The following FGF14 variants were observed in gnomAD, a reference collection of about 807,000 sequenced individuals.
The protein encoded by FGF14 is fibroblast growth factor 14, also known as fibroblast growth factor homologous factor 4.
Under a neutral mutation model 25.5 loss-of-function variants are expected in FGF14, and 5 were observed. The observed-to-expected ratio is 0.20, with a 90% CI of 0.10 to 0.41. The LOEUF is 0.41. Among genes scored for constraint, FGF14 ranks in the 10% least tolerant of loss-of-function variants. FGF14 has a pLI of 1.00. For synonymous variants in FGF14, 138 were observed against 118.3 expected (o/e 1.17, Z -1.08); for missense variants, 222 against 320.1 (o/e 0.69, Z 2.34).
At chr13:102,395,724 T>C (rs913498109) in intron 1 of FGF14, 1 of 152,022 alleles carries the variant, frequency 6.6e-6, no homozygotes, top group Non-Finnish European at 1.5e-5. Flanking sequence ...GTGAACAGAG[T>C]TTTTGTCAAG....
At chr13:101,982,290 C>T (rs2139618313) in intron 1 of FGF14, among the ~76,000 whole-genome samples, 2 of 152,200 alleles carry the variant, frequency 1.3e-5, no homozygotes, top group Admixed American at 1.3e-4. Flanking sequence ...TTTTATGCAG[C>T]AGGTTTAGAT....
chr13:101,799,449 G>C (rs905503318), intron 3 of FGF14, among the ~76,000 whole-genome samples: 1 of 152,062 alleles, frequency 6.6e-6, no homozygotes, highest in Non-Finnish European at 1.5e-5. Context: ...GCCCTGCTGA[G>C]GTGATTTGCC....
chr13:101,718,462 T>C lies in FGF14; in HGVS notation c.*4369A>G, dbSNP rs1234395055. 2 of 152,148 alleles carry C rather than the reference T, an allele frequency of 1.3e-5. No homozygotes were observed. Among genetic ancestry groups the C allele is most frequent in the Non-Finnish European group, 1.5e-5 (1 of 68,022 alleles). 9.4% of individuals were successfully genotyped at this position (152,148 alleles called of 1,614,324 possible). On this transcript the variant is annotated 3_prime_UTR_variant, in exon 5 of 5. Coordinates refer to ENST00000376143, the MANE Select transcript of FGF14 (RefSeq NM_004115.4). ...GTGAGAGAAAATAAGCAAATCTCAT[T>C]GGCTCATTCCTGTTTTTAGGAAGTT... is the stretch of plus-strand genomic sequence containing the variant.
At chr13:102,110,360 T>C (rs1436794647) in intron 1 of FGF14, among the ~76,000 whole-genome samples, 2 of 152,102 alleles carry the variant, frequency 1.3e-5, no homozygotes, top group Non-Finnish European at 2.9e-5. Flanking sequence ...ATAAATCCCA[T>C]CACCAAAAAA....
At chr13:101,989,158 G>T (rs935667364) in intron 1 of FGF14, among the ~76,000 whole-genome samples, 1 of 151,972 alleles carries the variant, frequency 6.6e-6, no homozygotes. Context: ...AGCTGTACAG[G>T]CCTGAGAGAA....
chr13:102,301,215 G>C (rs1161203289), intron 1 of FGF14, among the ~76,000 whole-genome samples: 4 of 152,100 alleles, frequency 2.6e-5, no homozygotes, highest in Admixed American at 6.6e-5. Flanking sequence ...ATTGTTAAAA[G>C]TTTAATTTAT....
rs1028037127 is a variant in FGF14 at position 101,963,280 on chromosome 13, A to G, written c.209-87984T>C. Among the ~76,000 whole-genome samples the G allele has an allele frequency of 3.3e-5, 5 of 152,076 alleles. No individual in the cohort carries two copies. The East Asian group carries it at 9.6e-4, about 29-fold the overall frequency. ...CTAGAAATGTTAATTCCCCCATTTT[A>G]TTTATCTAGGGAGTGCCCCACCCTT... On this transcript the variant is annotated intron_variant, in intron 1 of 4. Transcript: ENST00000376131.
chr13:101,821,116 T>C (rs1405510876), intron 3 of FGF14, among the ~76,000 whole-genome samples: 2 of 151,368 alleles, frequency 1.3e-5, no homozygotes, highest in Non-Finnish European at 2.9e-5. Context: ...GCCGGGCTAA[T>C]TTTTTGTATT....
rs945188487 is a variant in FGF14, at chr13:101,712,214, C to A, written c.*10617G>T. On this transcript the variant is annotated 3_prime_UTR_variant, in exon 5 of 5. Coordinates refer to ENST00000376143, the MANE Select transcript of FGF14 (RefSeq NM_004115.4). ...CTAAGATGCACTGAGCATTGACAAA[C>A]AGGAAAGAATAACACAGCTGGGAAA... is the stretch of plus-strand genomic sequence containing the variant. 6.6e-6 allele frequency: 1 copy of A among 152,180 alleles called. No homozygotes were observed. The allele number at this position is 152,180 out of a possible 1,614,324, so 9.4% of individuals were successfully genotyped here. A position where few individuals can be genotyped will look rare whatever the true frequency, so the allele number is the denominator to read the frequency against.
rs202160091 is a variant in FGF14, at chr13:101,940,998, G to GA, written c.209-65703dup. Among the ~76,000 whole-genome samples, 947 of 150,522 alleles carry GA rather than the reference G, an allele frequency of 6.3e-3. 8 individuals carry two copies. The highest frequency in any genetic ancestry group is 0.021 in the African/African-American group (866 of 41,118). On this transcript the variant is annotated intron_variant, in intron 1 of 4. Coordinates refer to the FGF14 transcript ENST00000376131. The stretch of plus-strand genomic sequence containing the variant: ...CTTTTGGGGACATCTCTAAGACTTA[G>GA]AAAAAAAAACAAGTCTTGATCCTGC...
chr13:102,401,376 C>T, intron 1 of FGF14: 1 of 1,186,208 alleles, frequency 8.4e-7, no homozygotes, highest in Non-Finnish European at 1.2e-6. Context: ...TATGTTTCCC[C>T]TGCCTTCCTG....
At chr13:101,979,033 T>C (rs1048662841) in intron 1 of FGF14, among the ~76,000 whole-genome samples, 23 of 152,168 alleles carry the variant, frequency 1.5e-4, no homozygotes, top group African/African-American at 5.6e-4. Flanking sequence ...CCTTAAACCC[T>C]TTCCCTAAGC....
chr13:101,963,041 T>C (rs941303548), intron 1 of FGF14, among the ~76,000 whole-genome samples: 1 of 152,258 alleles, frequency 6.6e-6, no homozygotes, highest in Non-Finnish European at 1.5e-5. Context: ...TTTAAAATCA[T>C]TGAAAGTCTC....
chr13:102,238,773 A>T lies in FGF14; in HGVS notation c.208+162698T>A, dbSNP rs530121211. On this transcript the variant is annotated intron_variant, in intron 1 of 4. Transcript: ENST00000376131. Reference sequence around the variant, plus strand: ...GTTAGAGATTTATTAATGCTATTTAAACTATTAAAATAACCTCACAGTGCT... The same window carrying T: ...GTTAGAGATTTATTAATGCTATTTATACTATTAAAATAACCTCACAGTGCT... 4.8e-4 allele frequency among the ~76,000 whole-genome samples: 73 copies of T among 152,336 alleles called. 3 individuals are homozygous for T. The South Asian group carries it at 0.015, about 31-fold the overall frequency.
chr13:102,217,321 C>A (rs950621943), intron 1 of FGF14, among the ~76,000 whole-genome samples: 3 of 152,254 alleles, frequency 2.0e-5, no homozygotes, highest in African/African-American at 7.2e-5. Context: ...TACATGCACA[C>A]ACAGTTTTAT....
intron 1 of FGF14, among the ~76,000 whole-genome samples, chr13:102,305,398 TATA>T (rs370096790): frequency 8.7e-4 from 132 of 152,216 alleles, no homozygotes; most frequent in African/African-American, 3.1e-3. Flanking sequence ...TGCTTTAAAA[TATA>T]ATAATAACCA....
intron 1 of FGF14, among the ~76,000 whole-genome samples, chr13:102,036,589 C>T (rs779267497): frequency 2.6e-5 from 4 of 151,592 alleles, no homozygotes; most frequent in Admixed American, 2.0e-4. Context: ...CCATAAGTTA[C>T]GGTATTTATA....
At chr13:102,292,293 A>AAAC (rs2054457358) in intron 1 of FGF14, 2 of 151,106 alleles carry the variant, frequency 1.3e-5, no homozygotes, top group African/African-American at 2.4e-5. Flanking sequence ...AAAAAAAAAA[A>AAAC]AAAAAAAAAA....
chr13:102,321,072 A>G (rs1287912053), intron 1 of FGF14, among the ~76,000 whole-genome samples: 1 of 152,202 alleles, frequency 6.6e-6, no homozygotes, highest in Non-Finnish European at 1.5e-5. Flanking sequence ...CCTGCTTGAT[A>G]TTCTGTAGAA....
Sources: allele counts gnomAD v4.1 joint callset (sites outside exome capture counted in the v4.1 genomes callset), GRCh38; gene constraint gnomAD v4.1.1; transcripts MANE v1.5; gene names NCBI Gene and HGNC (gene_info 2026-07-23, HGNC 2026-07-21).